CCDC110: variants seen among roughly 807,000 people sequenced by gnomAD.
The protein encoded by CCDC110 is coiled-coil domain-containing protein 110.
Under a neutral mutation model 77.1 loss-of-function variants are expected in CCDC110, and 70 were observed. The ratio of observed to expected loss-of-function variants is 0.91; its 90% CI spans 0.75 to 1.11. The LOEUF is 1.11. CCDC110 is among the 50% of genes least tolerant of loss of function. The pLI is 0.00. For synonymous variants in CCDC110, 295 were observed against 312.5 expected (o/e 0.94, Z 0.59); for missense variants, 868 against 942.9 (o/e 0.92, Z 1.04).
chr4:185,457,628 A>T, intron 6 of CCDC110: 1 of 577,206 alleles, frequency 1.7e-6, no homozygotes, highest in Non-Finnish European at 2.8e-6. Context: ...ACAGTATAAA[A>T]TATATACTTA....
intron 4 of CCDC110, 53 bp from the exon 5 acceptor site, chr4:185,461,212 T>C: frequency 1.1e-6 from 1 of 890,132 alleles, no homozygotes; most frequent in Non-Finnish European, 1.8e-6. Flanking sequence ...AACTTATGAA[T>C]GTACAGGAAT....
chr4:185,469,985 CG>C (rs1349003334), intron 2 of CCDC110, among the ~76,000 whole-genome samples: 2 of 152,310 alleles, frequency 1.3e-5, no homozygotes, highest in Admixed American at 6.5e-5. Flanking sequence ...GCTCCTTCCC[CG>C]GCATGTCCCC....
In CCDC110 at chr4:185,459,868, T is replaced by A. The variant is rs143728634; in HGVS notation, c.719A>T (p.Asp240Val). Reference protein sequence around the residue: ...LKHGFCENLDDICHSIKQMKE... With the variant: ...LKHGFCENLDVICHSIKQMKE... ...CATTTGTTTGATAGAATGGCAAATG[T>A]CATCTAAATTTTCACAAAATCCATG... Residue 240 changes from aspartate to valine, a missense_variant, in exon 6 of 7, where the codon GAC becomes GTC. By Grantham distance (152) the Asp-to-Val change is radical. Coordinates refer to ENST00000307588, the MANE Select transcript of CCDC110 (RefSeq NM_152775.4). The A allele has an allele frequency of 2.5e-6, 4 of 1,613,492 alleles. No individual in the cohort carries two copies. Among genetic ancestry groups the A allele is most frequent in the Non-Finnish European group, 2.5e-6 (3 of 1,179,840 alleles).
rs974921171 is a variant in CCDC110, at chr4:185,459,719, T to G, written c.868A>C (p.Lys290Gln). The G allele has an allele frequency of 1.2e-6, 2 of 1,613,442 alleles. No individual in the cohort carries two copies. Among genetic ancestry groups the G allele is most frequent in the Non-Finnish European group, 1.7e-6 (2 of 1,179,872 alleles). The change falls in exon 6 of 7, where the codon AAA becomes CAA. Residue 290 changes from lysine (K) to glutamine (Q), a missense_variant. Transcript: ENST00000307588. ...TTTTCTTCCTTAATAAAGTTCATTT[T>G]ATCCTGGTGAATAGGGGACATGTCA... ...KYDMSPIHQDKMNFIKEENLD... is the reference protein window; with the variant it reads ...KYDMSPIHQDQMNFIKEENLD...
chr4:185,464,801 A>T (rs976698877), intron 2 of CCDC110, among the ~76,000 whole-genome samples: 4 of 152,238 alleles, frequency 2.6e-5, no homozygotes, highest in African/African-American at 7.2e-5. Flanking sequence ...GAGAATTTTT[A>T]AAACTGCAAG....
Position 185,459,367 on chromosome 4 carries a change from A to G in CCDC110, c.1220T>C (p.Ile407Thr), listed in dbSNP as rs1421500152. ...RQPFLVKQGS[I>T]ISENEKTSKV... ...GGAAGTTTTCTCATTTTCAGATATT[A>G]TTGATCCTTGTTTTACTAGAAATGG... The change falls in exon 6 of 7, where the codon ATA becomes ACA. Residue 407 changes from isoleucine to threonine, a missense_variant. Ile to Thr is a moderately conservative substitution (Grantham distance 89, BLOSUM62 -1). Coordinates refer to ENST00000307588, the MANE Select transcript of CCDC110 (RefSeq NM_152775.4). 9.3e-6 allele frequency: 15 copies of G among 1,611,778 alleles called. No individual in the cohort carries two copies. The highest frequency in any genetic ancestry group is 1.3e-5 in the Non-Finnish European group (15 of 1,179,246).
intron 1 of CCDC110, 191 bp from the exon 2 acceptor site, chr4:185,471,240 TA>T (rs1237347585): frequency 3.1e-4 from 3 of 9,536 alleles, no homozygotes; most frequent in African/African-American, 1.2e-3. Context: ...CGGAGGGAAT[TA>T]GGAGGGGGCG....
chr4:185,470,821 G>A, intron 2 of CCDC110, 124 bp downstream of exon 2: 4 of 771,104 alleles, frequency 5.2e-6, no homozygotes, highest in Non-Finnish European at 9.5e-6. Flanking sequence ...AAGCGCGAGT[G>A]CCGTGGTGGC....
chr4:185,453,484 A>G (rs193001361), intron 6 of CCDC110, among the ~76,000 whole-genome samples: 56 of 152,288 alleles, frequency 3.7e-4, no homozygotes, highest in African/African-American at 1.3e-3. Context: ...GGAGTTAGAG[A>G]AAGATTAACT....
At position 185,458,121 on chromosome 4, in the gene CCDC110, C is replaced by T. The variant is rs372330322; in HGVS notation, c.2461+5G>A. 23 of 1,532,300 alleles carry T rather than the reference C, an allele frequency of 1.5e-5. No homozygotes were observed. Among genetic ancestry groups the T allele is most frequent in the Middle Eastern group, 3.5e-4 (2 of 5,734 alleles). 94.9% of individuals were successfully genotyped at this position (1,532,300 alleles called of 1,614,324 possible). On this transcript the variant is annotated splice_donor_5th_base_variant and intron_variant, in intron 6 of 6. Coordinates refer to ENST00000307588, the MANE Select transcript of CCDC110 (RefSeq NM_152775.4). ...ATCTCTACTAATCTACCAGGACTTG[C>T]GTACCTTTCAAATCCGAAGCCAAAG...
Position 185,459,582 on chromosome 4 carries a change from A to C in CCDC110, c.1005T>G (p.His335Gln). ...ATAACTTTTTACATTTTCTACAAAA[A>C]TGCACATGGAATTTTGACACAGTTT... ...FRETVSKFHV[H>Q]FCRKCKKLSK... The change falls in exon 6 of 7, where the codon CAT becomes CAG. Residue 335 changes from histidine to glutamine, a missense_variant. Physicochemically the swap from His to Gln is conservative, Grantham distance 24. Coordinates refer to ENST00000307588, the MANE Select transcript of CCDC110 (RefSeq NM_152775.4). The C allele has an allele frequency of 6.2e-7, 1 of 1,613,348 alleles. No homozygotes were observed. The highest frequency in any genetic ancestry group is 8.5e-7 in the Non-Finnish European group (1 of 1,179,750).
chr4:185,471,723 C>G lies in CCDC110; in HGVS notation c.-40G>C, dbSNP rs747193313. ...TCTCTCGCAACCGCCGCCGCACGCA[C>G]CCGCTCCGCCGCCCCGCGCAGGGCA... On this transcript the variant is annotated 5_prime_UTR_variant, in exon 1 of 7. Coordinates refer to ENST00000307588, the MANE Select transcript of CCDC110 (RefSeq NM_152775.4). The G allele has an allele frequency of 1.6e-5, 25 of 1,518,692 alleles. No individual in the cohort carries two copies. Among genetic ancestry groups the G allele is most frequent in the Non-Finnish European group, 2.2e-5 (25 of 1,136,048 alleles). 94.1% of individuals were successfully genotyped at this position (1,518,692 alleles called of 1,614,324 possible).
intron 4 of CCDC110, among the ~76,000 whole-genome samples, chr4:185,461,934 C>T (rs1162564657): frequency 6.6e-6 from 1 of 152,122 alleles, no homozygotes; most frequent in African/African-American, 2.4e-5. Context: ...CTGGTCTCTA[C>T]TAAAAATACA....
At chr4:185,455,266 G>C (rs561465869) in intron 6 of CCDC110, among the ~76,000 whole-genome samples, 2 of 152,012 alleles carry the variant, frequency 1.3e-5, no homozygotes, top group Non-Finnish European at 1.5e-5. Context: ...AATGGATATA[G>C]TGCTCACCAT....
chr4:185,466,255 A>G (rs907802095), intron 2 of CCDC110, among the ~76,000 whole-genome samples: 26 of 152,076 alleles, frequency 1.7e-4, no homozygotes, highest in South Asian at 6.2e-4. Flanking sequence ...TGTGCCTGTA[A>G]TCCCAGCTAC....
chr4:185,469,288 T>C (rs1276328832), intron 2 of CCDC110, among the ~76,000 whole-genome samples: 2 of 152,250 alleles, frequency 1.3e-5, no homozygotes, highest in Non-Finnish European at 2.9e-5. Flanking sequence ...AGGAAATTCC[T>C]GGGTGGCCCC....
At chr4:185,456,418 TCAATGGAAGA>T in intron 6 of CCDC110, among the ~76,000 whole-genome samples, 1 of 82,806 alleles carries the variant, frequency 1.2e-5, no homozygotes, top group Middle Eastern at 6.8e-3. Context: ...GGAACAGAAA[TCAATGGAAGA>T]AAAAAACAAA....
chr4:185,461,373 T>C (rs1318116611), intron 4 of CCDC110, among the ~76,000 whole-genome samples: 1 of 152,230 alleles, frequency 6.6e-6, no homozygotes, highest in Non-Finnish European at 1.5e-5. Flanking sequence ...TCAGAAGCAA[T>C]TTAGTAAAAC....
chr4:185,465,818 A>G (rs749234327), intron 2 of CCDC110, among the ~76,000 whole-genome samples: 2 of 152,138 alleles, frequency 1.3e-5, no homozygotes, highest in African/African-American at 2.4e-5. Context: ...TACTTTGGAG[A>G]TGAAGCCAGC....
Sources: allele counts gnomAD v4.1 joint callset (sites outside exome capture counted in the v4.1 genomes callset), GRCh38; gene constraint gnomAD v4.1.1; transcripts MANE v1.5; gene names NCBI Gene and HGNC (gene_info 2026-07-23, HGNC 2026-07-21).